DZANK1: variants seen among roughly 807,000 people sequenced by gnomAD.
DZANK1 encodes the protein double zinc ribbon and ankyrin repeat domains 1.
In DZANK1, 91 loss-of-function variants were observed where a neutral mutation model predicts 94.5. The observed-to-expected ratio is 0.96, with a 90% CI of 0.81 to 1.15. DZANK1 has a LOEUF of 1.15. DZANK1 is among the 50% of genes most tolerant of loss of function. The pLI, the probability that DZANK1 is intolerant of heterozygous loss-of-function variation, is 0.00. For missense variants in DZANK1, 903 were observed against 916.4 expected (o/e 0.99, Z 0.19); for synonymous variants, 312 against 325.3 (o/e 0.96, Z 0.44).
intron 19 of DZANK1, among the ~76,000 whole-genome samples, chr20:18,389,375 C>T (rs1376281289): frequency 1.3e-5 from 2 of 152,096 alleles, no homozygotes; most frequent in Admixed American, 6.5e-5. Context: ...GGTGTTTTCA[C>T]GATTCATGAT....
chr20:18,394,598 C>CACATTGG (rs774041697), intron 15 of DZANK1: 1 of 661,448 alleles, frequency 1.5e-6, no homozygotes, highest in Non-Finnish European at 2.8e-6. Context: ...CCAGCCCCCT[C>CACATTGG]GTCTCACATT....
At chr20:18,398,125 T>A (rs944142692) in intron 14 of DZANK1, among the ~76,000 whole-genome samples, 2 of 152,208 alleles carry the variant, frequency 1.3e-5, no homozygotes, top group African/African-American at 2.4e-5. Flanking sequence ...GAATGATGAA[T>A]ACAATGCTGA....
chr20:18,431,289 C>T (rs2058273193), intron 9 of DZANK1, among the ~76,000 whole-genome samples: 1 of 151,964 alleles, frequency 6.6e-6, no homozygotes, highest in African/African-American at 2.4e-5. Flanking sequence ...CTTAAATCCA[C>T]ACAAGACTGC....
intron 13 of DZANK1, among the ~76,000 whole-genome samples, chr20:18,407,092 A>G (rs566490688): frequency 6.6e-6 from 1 of 152,378 alleles, no homozygotes; most frequent in East Asian, 1.9e-4. Flanking sequence ...TCCCGACAGC[A>G]TCTGTGGACA....
chr20:18,404,123 G>GT (rs1771370181), intron 13 of DZANK1, among the ~76,000 whole-genome samples: 1 of 150,650 alleles, frequency 6.6e-6, no homozygotes, highest in African/African-American at 2.5e-5. Flanking sequence ...AACATTATGA[G>GT]ATTTTTTTTT....
intron 8 of DZANK1, among the ~76,000 whole-genome samples, chr20:18,442,042 C>T (rs1213500651): frequency 5.9e-5 from 9 of 152,182 alleles, no homozygotes; most frequent in Non-Finnish European, 2.9e-5. Flanking sequence ...CCCTTTGACT[C>T]CTAGAAGCCC....
intron 13 of DZANK1, among the ~76,000 whole-genome samples, chr20:18,399,889 A>T (rs1268523537): frequency 6.6e-6 from 1 of 152,180 alleles, no homozygotes; most frequent in East Asian, 1.9e-4. Context: ...CCCACATTGG[A>T]TCCCACCAAC....
chr20:18,443,355 C>T, exon 8 of DZANK1: 1 of 1,547,612 alleles, frequency 6.5e-7, no homozygotes, highest in Non-Finnish European at 8.7e-7. Flanking sequence ...ACCTGAGCTC[C>T]TTCTGGGGGT....
At chr20:18,403,614 C>T (rs1193509631) in intron 13 of DZANK1, among the ~76,000 whole-genome samples, 2 of 152,058 alleles carry the variant, frequency 1.3e-5, no homozygotes, top group African/African-American at 4.8e-5. Flanking sequence ...AGCCAGTTTA[C>T]TCAGATCAGA....
chr20:18,446,587 A>T (rs1435722422), intron 7 of DZANK1, among the ~76,000 whole-genome samples: 1 of 152,180 alleles, frequency 6.6e-6, no homozygotes, highest in Non-Finnish European at 1.5e-5. Context: ...TAAAGAAACT[A>T]AAAAAAGAAC....
At chr20:18,423,536 A>C (rs936540511) in intron 10 of DZANK1, among the ~76,000 whole-genome samples, 1 of 152,222 alleles carries the variant, frequency 6.6e-6, no homozygotes, top group African/African-American at 2.4e-5. Context: ...CATTCTTTTC[A>C]AATGCACCTG....
chr20:18,390,048 G>A (rs928219896), intron 18 of DZANK1, among the ~76,000 whole-genome samples: 12 of 152,172 alleles, frequency 7.9e-5, no homozygotes, highest in East Asian at 1.9e-4. Context: ...CCACATGGGC[G>A]GGGAGGGGAG....
At chr20:18,394,126 AAACGTCTGGAACAT>A in intron 16 of DZANK1, 114 bp downstream of exon 16, 1 of 799,074 alleles carries the variant, frequency 1.3e-6, no homozygotes, top group Non-Finnish European at 2.0e-6. Context: ...CAGAGAAATA[AAACGTCTGGAACAT>A]AACTGCAAGA....
intron 2 of DZANK1, among the ~76,000 whole-genome samples, chr20:18,461,105 G>T (rs2059456943): frequency 6.6e-6 from 1 of 152,122 alleles, no homozygotes; most frequent in South Asian, 2.1e-4. Flanking sequence ...GGTCAAAAAG[G>T]GTATACAGTG....
chr20:18,399,932 G>A (rs2056580409), intron 13 of DZANK1, among the ~76,000 whole-genome samples: 1 of 152,198 alleles, frequency 6.6e-6, no homozygotes, highest in Non-Finnish European at 1.5e-5. Flanking sequence ...GCAATCAGAG[G>A]GATTTTCCAA....
rs778695748 is a variant in DZANK1 at position 18,393,754 on chromosome 20, T to C, written c.1766A>G (p.Asn589Ser). The change falls in exon 17 of 21, where the codon AAT becomes AGT. Residue 589 changes from asparagine to serine, a missense_variant. Transcript: ENST00000262547. ...TTCTTGAAAAGTTTTGGTCTTGAAATTCTTTATCCTTTTGATTTTTTCAAT... is the reference window on the plus strand; with the variant it reads ...TTCTTGAAAAGTTTTGGTCTTGAAACTCTTTATCCTTTTGATTTTTTCAAT... 3 of 1,613,374 alleles carry C rather than the reference T, an allele frequency of 1.9e-6. No individual in the cohort carries two copies. The South Asian group carries it at 3.3e-5, about 18-fold the overall frequency.
At chr20:18,425,465 C>T (rs575567491) in intron 10 of DZANK1, among the ~76,000 whole-genome samples, 2 of 151,618 alleles carry the variant, frequency 1.3e-5, no homozygotes, top group Admixed American at 6.6e-5. Context: ...GCAGGAGAAT[C>T]GCTTGAACCA....
At chr20:18,423,924 A>G (rs1229070918) in intron 10 of DZANK1, among the ~76,000 whole-genome samples, 1 of 151,934 alleles carries the variant, frequency 6.6e-6, no homozygotes, top group Non-Finnish European at 1.5e-5. Flanking sequence ...ATAAATAAAG[A>G]GCAAAATAAA....
intron 10 of DZANK1, among the ~76,000 whole-genome samples, chr20:18,423,018 C>A (rs2057865462): frequency 1.3e-5 from 2 of 152,038 alleles, no homozygotes; most frequent in South Asian, 4.1e-4. Context: ...TATAGTCATG[C>A]ACGACATAAT....
Sources: gnomAD v4.1 joint callset for allele counts (sites outside exome capture counted in the v4.1 genomes callset) on GRCh38, gnomAD v4.1.1 for gene constraint, MANE v1.5 for transcripts, NCBI Gene and HGNC (gene_info 2026-07-23, HGNC 2026-07-21) for gene names.